The following CCDC91 variants were observed in gnomAD, a reference collection of about 807,000 sequenced individuals.
CCDC91 encodes the protein coiled-coil domain-containing protein 91.
CCDC91 carries 48 observed loss-of-function variants against 63.2 expected under a neutral mutation model. That is an observed-to-expected ratio of 0.76 (90% CI 0.60 to 0.97). The LOEUF is 0.97. Ranked by LOEUF, CCDC91 falls within the 50% of genes least tolerant of loss-of-function variation. The pLI, the probability that CCDC91 is intolerant of heterozygous loss-of-function variation, is 0.00. For synonymous variants in CCDC91, 167 were observed against 165.8 expected (o/e 1.01, Z -0.06); for missense variants, 500 against 494.6 (o/e 1.01, Z -0.10).
chr12:28,487,409 G>C (rs1433752053), intron 12 of CCDC91, among the ~76,000 whole-genome samples: 1 of 151,676 alleles, frequency 6.6e-6, no homozygotes, highest in Non-Finnish European at 1.5e-5. Context: ...AGTATTTTGA[G>C]TTAATTTTTA....
chr12:28,468,358 T>A (rs1950643690), intron 11 of CCDC91, among the ~76,000 whole-genome samples: 1 of 151,690 alleles, frequency 6.6e-6, no homozygotes, highest in Non-Finnish European at 1.5e-5. Context: ...TTGACAAATT[T>A]GTAGTTACAT....
intron 6 of CCDC91, among the ~76,000 whole-genome samples, chr12:28,343,197 A>AATATAT (rs10566510): frequency 4.1e-5 from 6 of 145,710 alleles, no homozygotes; most frequent in African/African-American, 7.5e-5. Context: ...TATATTGTGT[A>AATATAT]ATATATATAT....
chr12:28,544,938 A>C (rs1286138378), intron 12 of CCDC91, among the ~76,000 whole-genome samples: 2 of 152,082 alleles, frequency 1.3e-5, no homozygotes, highest in Admixed American at 1.3e-4. Flanking sequence ...TAAAATTAAA[A>C]ATTTTAGTAA....
chr12:28,259,945 C>A (rs1406252411), intron 3 of CCDC91, among the ~76,000 whole-genome samples: 1 of 151,876 alleles, frequency 6.6e-6, no homozygotes, highest in African/African-American at 2.4e-5. Flanking sequence ...TAATTTATGT[C>A]AAAAGAATAT....
intron 3 of CCDC91, among the ~76,000 whole-genome samples, chr12:28,304,371 C>T (rs1300371425): frequency 7.7e-5 from 7 of 90,820 alleles, no homozygotes; most frequent in South Asian, 3.6e-4. Flanking sequence ...GGTGAGACTC[C>T]GTCTAAAAAA....
intron 8 of CCDC91, among the ~76,000 whole-genome samples, chr12:28,439,665 A>G (rs1330391542): frequency 6.6e-6 from 1 of 151,888 alleles, no homozygotes; most frequent in Non-Finnish European, 1.5e-5. Flanking sequence ...TTGTGATTAA[A>G]TTTGTCTACA....
intron 3 of CCDC91, among the ~76,000 whole-genome samples, chr12:28,304,372 G>A (rs1464552439): frequency 1.1e-4 from 9 of 80,408 alleles, no homozygotes; most frequent in East Asian, 3.4e-4. Flanking sequence ...GTGAGACTCC[G>A]TCTAAAAAAA....
intron 8 of CCDC91, among the ~76,000 whole-genome samples, chr12:28,423,062 C>T (rs1378506777): frequency 6.6e-6 from 1 of 151,906 alleles, no homozygotes; most frequent in Non-Finnish European, 1.5e-5. Context: ...AACAGAAACT[C>T]TAGAGTAGTG....
intron 12 of CCDC91, among the ~76,000 whole-genome samples, chr12:28,485,728 C>T (rs1951692085): frequency 1.3e-5 from 2 of 152,244 alleles, no homozygotes; most frequent in Middle Eastern, 6.8e-3. Flanking sequence ...GGGGAAAATT[C>T]TGGGCCAAAG....
chr12:28,389,299 G>A (rs1945796187), intron 7 of CCDC91, among the ~76,000 whole-genome samples: 1 of 151,960 alleles, frequency 6.6e-6, no homozygotes, highest in East Asian at 1.9e-4. Flanking sequence ...CAATGTGGAA[G>A]ACTTTTAAAA....
intron 1 of CCDC91, among the ~76,000 whole-genome samples, chr12:28,223,371 A>G (rs544913376): frequency 5.3e-5 from 8 of 152,238 alleles, no homozygotes; most frequent in African/African-American, 1.9e-4. Flanking sequence ...TTCCATATGT[A>G]AATGAGTTTC....
chr12:28,192,854 C>A (rs1204462531), intron 1 of CCDC91, among the ~76,000 whole-genome samples: 1 of 151,914 alleles, frequency 6.6e-6, no homozygotes, highest in Non-Finnish European at 1.5e-5. Context: ...TATAATGGAA[C>A]CACTGCCACA....
At chr12:28,546,824 T>A (rs1466971453) in intron 12 of CCDC91, among the ~76,000 whole-genome samples, 1 of 152,056 alleles carries the variant, frequency 6.6e-6, no homozygotes, top group Non-Finnish European at 1.5e-5. Flanking sequence ...GGGAAGAAAT[T>A]TGGCAATATG....
intron 1 of CCDC91, among the ~76,000 whole-genome samples, chr12:28,250,308 A>G (rs1321156459): frequency 1.3e-5 from 2 of 152,150 alleles, no homozygotes; most frequent in Non-Finnish European, 2.9e-5. Context: ...ATGTTTTCCT[A>G]TTGGATCATT....
chr12:28,228,311 G>A (rs1352102611), intron 1 of CCDC91, among the ~76,000 whole-genome samples: 3 of 152,010 alleles, frequency 2.0e-5, no homozygotes, highest in Non-Finnish European at 4.4e-5. Flanking sequence ...CCCATGAAGA[G>A]TAAATTACTA....
intron 8 of CCDC91, among the ~76,000 whole-genome samples, chr12:28,400,503 A>G (rs1200477851): frequency 6.6e-6 from 1 of 152,180 alleles, no homozygotes; most frequent in African/African-American, 2.4e-5. Context: ...CTTGTTACTT[A>G]TGCAAATTTC....
intron 11 of CCDC91, among the ~76,000 whole-genome samples, chr12:28,478,854 A>G (rs1951273502): frequency 7.9e-5 from 12 of 152,236 alleles, no homozygotes; most frequent in Admixed American, 7.9e-4. Flanking sequence ...CAACAGACGC[A>G]TGAAAAAATG....
intron 6 of CCDC91, among the ~76,000 whole-genome samples, chr12:28,329,535 A>T (rs1941313212): frequency 6.6e-6 from 1 of 152,192 alleles, no homozygotes; most frequent in African/African-American, 2.4e-5. Context: ...TAGGAATTTG[A>T]ATCAGTAATT....
intron 1 of CCDC91, among the ~76,000 whole-genome samples, chr12:28,207,098 A>G (rs1309157481): frequency 6.6e-6 from 1 of 152,258 alleles, no homozygotes; most frequent in Non-Finnish European, 1.5e-5. Context: ...ATATCCTGTA[A>G]GTGCATACAA....
Sources: allele counts gnomAD v4.1 joint callset (sites outside exome capture counted in the v4.1 genomes callset), GRCh38; gene constraint gnomAD v4.1.1; transcripts MANE v1.5; gene names NCBI Gene and HGNC (gene_info 2026-07-23, HGNC 2026-07-21).